Variants in NAALADL2 observed in about 807,000 individuals in gnomAD.
NAALADL2 encodes the protein N-acetylated alpha-linked acidic dipeptidase like 2.
NAALADL2 carries 76 observed loss-of-function variants against 87.2 expected under a neutral mutation model. The ratio of observed to expected loss-of-function variants is 0.87; its 90% CI spans 0.72 to 1.05. The LOEUF is 1.05. Ranked by LOEUF, NAALADL2 falls within the 50% of genes least tolerant of loss-of-function variation. NAALADL2 has a pLI of 0.00. For synonymous variants in NAALADL2, 354 were observed against 331.0 expected, an observed-to-expected ratio of 1.07 and a Z score of -0.75; for missense variants, 1,089 against 945.8, an observed-to-expected ratio of 1.15 and a Z score of -1.99.
chr3:174,754,130 C>G (rs1711648795), intron 3 of NAALADL2, among the ~76,000 whole-genome samples: 1 of 152,172 alleles, frequency 6.6e-6, no homozygotes, highest in South Asian at 2.1e-4. Flanking sequence ...ATGGAAGCCT[C>G]TGCTAACTGT....
intron 10 of NAALADL2, among the ~76,000 whole-genome samples, chr3:175,597,570 C>G (rs953870348): frequency 6.6e-6 from 1 of 151,938 alleles, no homozygotes; most frequent in Non-Finnish European, 1.5e-5. Context: ...TTGAGTATTA[C>G]ATCAGGCTAT....
At chr3:175,690,374 A>G (rs1233314840) in intron 11 of NAALADL2, among the ~76,000 whole-genome samples, 1 of 152,138 alleles carries the variant, frequency 6.6e-6, no homozygotes. Context: ...GAAGATATGT[A>G]GTACAGCCAC....
At chr3:175,048,524 T>G (rs1330729263) in intron 1 of NAALADL2, among the ~76,000 whole-genome samples, 5 of 151,252 alleles carry the variant, frequency 3.3e-5, no homozygotes, top group Non-Finnish European at 5.9e-5. Context: ...TTTTTTTTTT[T>G]TGTGGTGAAG....
At chr3:175,030,430 T>C (rs1452036064) in intron 1 of NAALADL2, among the ~76,000 whole-genome samples, 1 of 152,092 alleles carries the variant, frequency 6.6e-6, no homozygotes, top group Admixed American at 6.6e-5. Flanking sequence ...AAACAACTTA[T>C]CTGAAATATA....
intron 1 of NAALADL2, among the ~76,000 whole-genome samples, chr3:174,984,025 G>A (rs1381540456): frequency 6.6e-6 from 1 of 152,074 alleles, no homozygotes; most frequent in African/African-American, 2.4e-5. Flanking sequence ...ATCCATGTCT[G>A]CATCTTCAGA....
chr3:175,117,300 G>GAAGGAA, intron 2 of NAALADL2, among the ~76,000 whole-genome samples: 1 of 152,030 alleles, frequency 6.6e-6, no homozygotes, highest in Admixed American at 6.6e-5. Context: ...CACAGCAAAA[G>GAAGGAA]AAACCACCAT....
intron 1 of NAALADL2, among the ~76,000 whole-genome samples, chr3:174,545,849 A>G (rs1348077704): frequency 6.6e-6 from 1 of 150,680 alleles, no homozygotes; most frequent in African/African-American, 2.4e-5. Context: ...TTTTTTCATA[A>G]TTTTTAGGAA....
At chr3:175,590,028 C>T (rs923988800) in intron 10 of NAALADL2, among the ~76,000 whole-genome samples, 6 of 151,738 alleles carry the variant, frequency 4.0e-5, no homozygotes, top group African/African-American at 1.2e-4. Flanking sequence ...CTGGCTAACA[C>T]GGTGAAGCCC....
At chr3:174,551,081 T>C (rs1413187086) in intron 2 of NAALADL2, 2 of 152,130 alleles carry the variant, frequency 1.3e-5, no homozygotes, top group Non-Finnish European at 2.9e-5. Context: ...GCCATGCTGG[T>C]GTGCTGCACC....
At chr3:175,391,187 T>C (rs1336507101) in intron 5 of NAALADL2, among the ~76,000 whole-genome samples, 1 of 152,222 alleles carries the variant, frequency 6.6e-6, no homozygotes, top group Non-Finnish European at 1.5e-5. Context: ...GATTCCCTCA[T>C]TGAGAAACCC....
intron 1 of NAALADL2, among the ~76,000 whole-genome samples, chr3:175,092,936 A>G (rs1284447263): frequency 5.9e-5 from 9 of 151,948 alleles, no homozygotes; most frequent in Non-Finnish European, 1.5e-5. Context: ...ATGTGGCACA[A>G]TATAACATGT....
intron 2 of NAALADL2, among the ~76,000 whole-genome samples, chr3:175,192,482 C>A (rs1488697201): frequency 2.6e-5 from 4 of 151,958 alleles, no homozygotes; most frequent in African/African-American, 4.8e-5. Context: ...TACTACAAGT[C>A]TGTTTAATGT....
At chr3:174,994,111 G>A (rs1381114486) in intron 1 of NAALADL2, among the ~76,000 whole-genome samples, 1 of 152,198 alleles carries the variant, frequency 6.6e-6, no homozygotes, top group African/African-American at 2.4e-5. Context: ...GGATAGACAT[G>A]AATTTCCAGG....
intron 1 of NAALADL2, among the ~76,000 whole-genome samples, chr3:175,011,252 CAGAGAGAGAGGG>C (rs1749743515): frequency 3.1e-5 from 3 of 95,830 alleles, no homozygotes; most frequent in East Asian, 3.7e-4. Flanking sequence ...GGGAGAGAGA[CAGAGAGAGAGGG>C]AGAGAGACAG....
intron 2 of NAALADL2, among the ~76,000 whole-genome samples, chr3:174,623,449 T>C (rs1359129263): frequency 2.6e-5 from 4 of 152,278 alleles, no homozygotes; most frequent in South Asian, 2.1e-4. Context: ...GTGTATATTT[T>C]ATGGTACTAA....
intron 2 of NAALADL2, among the ~76,000 whole-genome samples, chr3:175,119,022 T>C (rs1725723188): frequency 6.6e-6 from 1 of 150,900 alleles, no homozygotes; most frequent in Non-Finnish European, 1.5e-5. Context: ...TTTGTTTCAT[T>C]TACAGATAAA....
chr3:175,573,192 C>T (rs1477810764), intron 9 of NAALADL2, among the ~76,000 whole-genome samples: 2 of 152,122 alleles, frequency 1.3e-5, no homozygotes, highest in Non-Finnish European at 2.9e-5. Flanking sequence ...CATGGCTGAG[C>T]ATGGGTGGAT....
chr3:175,383,254 T>C (rs571619902), intron 5 of NAALADL2, among the ~76,000 whole-genome samples: 2 of 152,204 alleles, frequency 1.3e-5, no homozygotes, highest in East Asian at 1.9e-4. Context: ...GTCATCCCTA[T>C]TGTGCTACCA....
chr3:175,344,644 G>GA (rs1341930500), intron 5 of NAALADL2, among the ~76,000 whole-genome samples: 1 of 151,914 alleles, frequency 6.6e-6, no homozygotes, highest in Non-Finnish European at 1.5e-5. Context: ...AGATTATCGT[G>GA]AAAATAAATG....
Sources: allele counts gnomAD v4.1 joint callset (sites outside exome capture counted in the v4.1 genomes callset), GRCh38; gene constraint gnomAD v4.1.1; transcripts MANE v1.5; gene names NCBI Gene and HGNC (gene_info 2026-07-23, HGNC 2026-07-21).